The following PLSCR2 variants were observed in gnomAD, a reference collection of about 807,000 sequenced individuals.
PLSCR2 encodes PL scramblase 2.
PLSCR2 carries 18 observed loss-of-function variants against 25.3 expected under a neutral mutation model. The observed-to-expected ratio is 0.71, with a 90% confidence interval of 0.49 to 1.06. PLSCR2 has a LOEUF of 1.06. Among genes scored for constraint, PLSCR2 ranks in the 50% least tolerant of loss-of-function variants. The pLI is 0.00. For synonymous variants in PLSCR2, 88 were observed against 87.3 expected (o/e 1.01, Z -0.04); for missense variants, 243 against 269.5 (o/e 0.90, Z 0.69).
intron 1 of PLSCR2, among the ~76,000 whole-genome samples, chr3:146,471,237 CT>C (rs2042108704): frequency 6.6e-6 from 1 of 152,002 alleles, no homozygotes; most frequent in Admixed American, 6.6e-5. Context: ...ACATATCTTT[CT>C]GTATACAATA....
chr3:146,467,486 T>A (rs1284712214), intron 1 of PLSCR2, among the ~76,000 whole-genome samples: 1 of 152,100 alleles, frequency 6.6e-6, no homozygotes, highest in African/African-American at 2.4e-5. Context: ...TTGATTAATA[T>A]TCAAGGAATC....
chr3:146,436,402 A>C (rs577559031), intron 8 of PLSCR2, among the ~76,000 whole-genome samples: 2 of 152,214 alleles, frequency 1.3e-5, no homozygotes, highest in Non-Finnish European at 2.9e-5. Context: ...CTTCCTGTCC[A>C]TGAGCATGAA....
At chr3:146,484,270 C>T (rs2043262425) in intron 1 of PLSCR2, among the ~76,000 whole-genome samples, 1 of 150,458 alleles carries the variant, frequency 6.6e-6, no homozygotes. Flanking sequence ...AACAAAACCT[C>T]CGACAACTAT....
chr3:146,479,118 G>A (rs963807363), intron 1 of PLSCR2, among the ~76,000 whole-genome samples: 16 of 152,208 alleles, frequency 1.1e-4, no homozygotes, highest in East Asian at 3.9e-4. Context: ...AAGGAAAACC[G>A]GTACCAGCCA....
At chr3:146,490,891 G>A (rs1292876775) in intron 1 of PLSCR2, among the ~76,000 whole-genome samples, 1 of 152,066 alleles carries the variant, frequency 6.6e-6, no homozygotes, top group Non-Finnish European at 1.5e-5. Context: ...CTGTCATCAT[G>A]TTGTTAGCTG....
upstream of PLSCR2, chr3:146,461,902 C>G (rs1224455308): frequency 3.3e-6 from 5 of 1,512,850 alleles, no homozygotes. Flanking sequence ...TCAGGAGTGC[C>G]CAGTACTGGA....
intron 1 of PLSCR2, among the ~76,000 whole-genome samples, chr3:146,485,772 G>C (rs906306327): frequency 6.6e-6 from 1 of 152,086 alleles, no homozygotes. Flanking sequence ...ATTTATAAAA[G>C]AGGTTTAATT....
chr3:146,406,312 C>T lies in PLSCR2; in HGVS notation c.101-10391G>A, dbSNP rs375733643. Reference sequence around the variant, plus strand: ...CAACATTTTGGAGTCCTTTTTTCTGCACCTTTGGAGCTTCTACATCTAGTT... The same window carrying T: ...CAACATTTTGGAGTCCTTTTTTCTGTACCTTTGGAGCTTCTACATCTAGTT... On this transcript the variant is annotated intron_variant and NMD_transcript_variant, in intron 2 of 3. Transcript: ENST00000463633. 1.0e-3 allele frequency among the ~76,000 whole-genome samples: 152 copies of T among 152,198 alleles called. 3 individuals carry two copies. In the South Asian group the frequency reaches 0.031, roughly 31 times the overall value.
chr3:146,422,454 TAGAG>T (rs1309186688), intron 2 of PLSCR2, among the ~76,000 whole-genome samples: 1 of 152,066 alleles, frequency 6.6e-6, no homozygotes, highest in Non-Finnish European at 1.5e-5. Flanking sequence ...TCCTGGTAAA[TAGAG>T]AGGACAGGGA....
At chr3:146,392,086 A>G (rs1176269453) in intron 3 of PLSCR2, among the ~76,000 whole-genome samples, 2 of 152,074 alleles carry the variant, frequency 1.3e-5, no homozygotes, top group African/African-American at 4.8e-5. Context: ...ATATCTATTT[A>G]TTACTCTAGT....
At position 146,451,221 on chromosome 3, in the gene PLSCR2, T is replaced by C. The variant is rs2040876912; in HGVS notation, c.484-1854A>G. 5.3e-5 allele frequency among the ~76,000 whole-genome samples: 8 copies of C among 151,424 alleles called. No individual in the cohort carries two copies. The South Asian group carries it at 1.7e-3, about 32-fold the overall frequency. ...CCTCCTGTTCCCGGGTTCAAGGGAT[T>C]CTCTTGCCTTAGCTTCCCGAGTAGC... On this transcript the variant is annotated intron_variant, in intron 5 of 6. Coordinates refer to ENST00000610787, the Ensembl canonical transcript of PLSCR2.
chr3:146,424,783 C>T (rs537236453), intron 2 of PLSCR2, among the ~76,000 whole-genome samples: 110 of 152,122 alleles, frequency 7.2e-4, no homozygotes, highest in African/African-American at 2.5e-3. Context: ...CTGTCTCCAC[C>T]ACCCTCCCGT....
At chr3:146,483,391 C>T in intron 1 of PLSCR2, among the ~76,000 whole-genome samples, 1 of 135,242 alleles carries the variant, frequency 7.4e-6, no homozygotes, top group Non-Finnish European at 1.6e-5. Context: ...TGTAACAAAT[C>T]TGCATGTTGT....
At chr3:146,472,843 G>A (rs1469215226) in intron 1 of PLSCR2, among the ~76,000 whole-genome samples, 3 of 152,220 alleles carry the variant, frequency 2.0e-5, no homozygotes, top group Non-Finnish European at 2.9e-5. Context: ...ATTTCTCACA[G>A]TTCTAGAATT....
chr3:146,421,617 G>A (rs573217385), intron 2 of PLSCR2, among the ~76,000 whole-genome samples: 1 of 152,184 alleles, frequency 6.6e-6, no homozygotes, highest in East Asian at 1.9e-4. Flanking sequence ...GTCTCTCAAA[G>A]TTGCTGTTAG....
At chr3:146,405,876 ATTAC>A (rs1371551495) in intron 2 of PLSCR2, among the ~76,000 whole-genome samples, 1 of 151,940 alleles carries the variant, frequency 6.6e-6, no homozygotes, top group Non-Finnish European at 1.5e-5. Context: ...ATATTTTTTT[ATTAC>A]TAAGAATGGT....
chr3:146,413,795 C>G (rs910767074), intron 2 of PLSCR2, among the ~76,000 whole-genome samples: 1 of 152,342 alleles, frequency 6.6e-6, no homozygotes, highest in East Asian at 1.9e-4. Context: ...TAATTTTCCA[C>G]TGATGGCAAT....
chr3:146,422,854 C>T (rs890871333), intron 2 of PLSCR2, among the ~76,000 whole-genome samples: 3 of 152,026 alleles, frequency 2.0e-5, no homozygotes, highest in South Asian at 2.1e-4. Flanking sequence ...CAAACATTAA[C>T]TCCCAAAACC....
chr3:146,474,483 GAGTTTCTGCTGAGAGGTCTGTTTTTAT>G (rs1189296791), intron 1 of PLSCR2, among the ~76,000 whole-genome samples: 1 of 152,100 alleles, frequency 6.6e-6, no homozygotes, highest in Admixed American at 6.5e-5. Context: ...CTGGCTTGTA[GAGTTTCTGCTGAGAGGTCTGTTTTTAT>G]CTGATGGGCT....
Sources: gnomAD v4.1 joint callset for allele counts (sites outside exome capture counted in the v4.1 genomes callset) on GRCh38, gnomAD v4.1.1 for gene constraint, MANE v1.5 for transcripts, NCBI Gene and HGNC (gene_info 2026-07-23, HGNC 2026-07-21) for gene names.